Variants in SBF1 observed in about 807,000 individuals in gnomAD.
SBF1 encodes SET binding factor 1.
Under a neutral mutation model 215.8 loss-of-function variants are expected in SBF1, and 65 were observed. That is an observed-to-expected ratio of 0.30 (90% CI 0.25 to 0.37). The LOEUF (loss-of-function observed/expected upper bound fraction) is 0.37, where lower values mean the gene tolerates loss of function less well. Ranked by LOEUF, SBF1 falls within the 10% of genes least tolerant of loss-of-function variation. The probability of loss-of-function intolerance (pLI) is 1.00; values close to 1 mark genes in which losing one functional copy is unlikely to be tolerated. For missense variants in SBF1, 2,634 were observed against 2,667.8 expected (o/e 0.99, Z 0.28); for synonymous variants, 1,410 against 1,122.8 (o/e 1.26, Z -5.11).
Position 50,454,867 on chromosome 22 carries a change from T to G in SBF1, c.4759A>C (p.Ser1587Arg). The change falls in exon 35 of 41, where the codon AGC becomes CGC. Residue 1587 changes from serine (S) to arginine (R), a missense_variant. Physicochemically the swap from Ser to Arg is moderately radical, Grantham distance 110 (BLOSUM62 -1). Transcript: ENST00000380817. ...RSVWEYVDRLSKRTPVFHNYM... is the reference protein window; with the variant it reads ...RSVWEYVDRLRKRTPVFHNYM... ...TTGTGGAACACAGGCGTCCTCTTGCTCAGCCGGTCCACATACTCCCACACA... is the reference window on the plus strand; with the variant it reads ...TTGTGGAACACAGGCGTCCTCTTGCGCAGCCGGTCCACATACTCCCACACA... The G allele has an allele frequency of 6.2e-7, 1 of 1,614,058 alleles. No homozygotes were observed. The highest frequency in any genetic ancestry group is 8.5e-7 in the Non-Finnish European group (1 of 1,179,992).
At chr22:50,453,637 A>AT (rs1337889272) in intron 36 of SBF1, among the ~76,000 whole-genome samples, 3 of 152,144 alleles carry the variant, frequency 2.0e-5, no homozygotes, top group Non-Finnish European at 1.5e-5. Context: ...AATACAAAAA[A>AT]TTAGCTGGGC....
rs1235417478 is a variant in SBF1 at position 50,448,523 on chromosome 22, T to A, written c.5151+20A>T. 4.3e-6 allele frequency: 7 copies of A among 1,610,806 alleles called. No homozygotes were observed. The highest frequency in any genetic ancestry group is 5.9e-6 in the Non-Finnish European group (7 of 1,178,152). On this transcript the variant is annotated intron_variant, in intron 37 of 40. Transcript: ENST00000380817. ...CCAGCAACACGCCCACCGTGGACGC[T>A]CACACTGGCCCTCACTCACACGGCC... is the stretch of plus-strand genomic sequence containing the variant.
intron 1 of SBF1, among the ~76,000 whole-genome samples, chr22:50,469,514 T>TGGCTCCCGCAGCAGGAC (rs1265304398): frequency 1.8e-4 from 27 of 152,290 alleles, no homozygotes; most frequent in African/African-American, 6.5e-4. Context: ...ACTCAGGGTG[T>TGGCTCCCGCAGCAGGAC]GGCTCCCGCA....
intron 15 of SBF1, among the ~76,000 whole-genome samples, chr22:50,464,046 G>A (rs138720743): frequency 1.3e-5 from 2 of 152,226 alleles, no homozygotes; most frequent in Admixed American, 6.5e-5. Context: ...CCCAATTTAA[G>A]GGGAAGGACA....
intron 16 of SBF1, 129 bp from the exon 17 acceptor site, chr22:50,463,067 C>G: frequency 8.6e-7 from 1 of 1,164,254 alleles, no homozygotes; most frequent in Non-Finnish European, 1.3e-6. Flanking sequence ...CTCCCCAAGG[C>G]TGCCTCAGAG....
rs775750503 is a variant in SBF1 at position 50,467,586 on chromosome 22, A to G, written c.384T>C (p.Phe128=). 3.7e-6 allele frequency: 6 copies of G among 1,614,124 alleles called. No individual in the cohort carries two copies. The Admixed American group carries it at 1.0e-4, about 27-fold the overall frequency. Reference sequence around the variant, plus strand: ...ACACCAGTACCAGCGTCTTCGGTGCAAACAGCTGGGCAGATGGGGCAGGTG... The same window carrying G: ...ACACCAGTACCAGCGTCTTCGGTGCGAACAGCTGGGCAGATGGGGCAGGTG... ...PTAPAPSAQL[F]APKTLVLVSR... Residue 128 remains phenylalanine (F), a synonymous_variant, in exon 4 of 41, where the codon TTT becomes TTC. Transcript: ENST00000380817.
At chr22:50,459,417 G>A in intron 27 of SBF1, 25 bp from the exon 28 acceptor site, 3 of 1,611,978 alleles carry the variant, frequency 1.9e-6, no homozygotes, top group South Asian at 1.1e-5. Flanking sequence ...GGAGCTGAGG[G>A]AGGGGAGGGT....
chr22:50,459,963 G>A lies in SBF1; in HGVS notation c.3480C>T (p.Ala1160=), dbSNP rs764635316. The change falls in exon 26 of 41, where the codon GCC becomes GCT. Residue 1160 remains alanine, a synonymous_variant. Coordinates refer to ENST00000380817, the MANE Select transcript of SBF1 (RefSeq NM_002972.4). ...FRISPVNRMY[A]ICRSYPGLLI... ...TGGCCGGCCCTCACCTGCGGCAGAT[G>A]GCATACATGCGGTTGACCGGAGAAA... The A allele has an allele frequency of 1.2e-6, 2 of 1,613,760 alleles. No individual in the cohort carries two copies. Among genetic ancestry groups the A allele is most frequent in the Non-Finnish European group, 1.7e-6 (2 of 1,179,928 alleles).
At position 50,451,495 on chromosome 22, in the gene SBF1, G is replaced by A. The variant is rs549515014; in HGVS notation, c.5044-2845C>T. Reference sequence around the variant, plus strand: ...AAAAAACAAACAGAGCTTCAGCAACGTATGGGACAATAAAGTTCCAGAAGG... The same window carrying A: ...AAAAAACAAACAGAGCTTCAGCAACATATGGGACAATAAAGTTCCAGAAGG... On this transcript the variant is annotated intron_variant, in intron 36 of 40. Transcript: ENST00000380817. Among the ~76,000 whole-genome samples, 20 of 152,286 alleles carry A rather than the reference G, an allele frequency of 1.3e-4. No homozygotes were observed. In the South Asian group the frequency reaches 3.3e-3, roughly 25 times the overall value.
chr22:50,450,249 A>G (rs2066995037), intron 36 of SBF1, among the ~76,000 whole-genome samples: 1 of 152,218 alleles, frequency 6.6e-6, no homozygotes, highest in African/African-American at 2.4e-5. Context: ...CGCCGGCAGC[A>G]GTGGCTCACA....
intron 5 of SBF1, chr22:50,467,016 C>T (rs756925316): frequency 4.8e-5 from 27 of 566,874 alleles, no homozygotes; most frequent in Non-Finnish European, 7.2e-5. Flanking sequence ...ACAGGACAGA[C>T]GGGCAGAAAG....
chr22:50,447,488 C>T, intron 39 of SBF1, 34 bp downstream of exon 39: 2 of 1,608,662 alleles, frequency 1.2e-6, no homozygotes, highest in East Asian at 2.2e-5. Context: ...GAGCCCCCTC[C>T]CCCGTGAGTC....
chr22:50,474,694 CAG>C, intron 1 of SBF1, 90 bp downstream of exon 1: 2 of 1,136,976 alleles, frequency 1.8e-6, no homozygotes, highest in Non-Finnish European at 2.4e-6. Flanking sequence ...CCTCGGCCCC[CAG>C]CCCCCGGCCC....
At chr22:50,474,712 C>G in intron 1 of SBF1, 74 bp downstream of exon 1, 1 of 1,313,432 alleles carries the variant, frequency 7.6e-7, no homozygotes, top group Non-Finnish European at 1.0e-6. Context: ...GGCCCTCGAC[C>G]CTCAGACCCA....
rs1291683260 is a variant in SBF1 at position 50,466,755 on chromosome 22, A to T, written c.550-45T>A. ...GGGGCTCAGTAGTTTGGCCAGAGCC[A>T]GCCCAGAGTCAGCCCAGAGCTCTGT... On this transcript the variant is annotated intron_variant, in intron 5 of 40. Coordinates refer to ENST00000380817, the MANE Select transcript of SBF1 (RefSeq NM_002972.4). 3 of 1,360,572 alleles carry T rather than the reference A, an allele frequency of 2.2e-6. No homozygotes were observed. In the African/African-American group the frequency reaches 4.4e-5, roughly 20 times the overall value. 84.3% of individuals were successfully genotyped at this position (1,360,572 alleles called of 1,614,324 possible). A position where few individuals can be genotyped will look rare whatever the true frequency, so the allele number is the denominator to read the frequency against.
rs762316730 is a variant in SBF1 at position 50,465,947 on chromosome 22, A to G, written c.1011+14T>C. 1.2e-6 allele frequency: 2 copies of G among 1,613,156 alleles called. No homozygotes were observed. Among genetic ancestry groups the G allele is most frequent in the East Asian group, 2.2e-5 (1 of 44,882 alleles). ...AGGCCCCCAAGGCTCCCGCTTGCCC[A>G]TGGTGCCCCTCACCATGCTCAGCAC... is the stretch of plus-strand genomic sequence containing the variant. On this transcript the variant is annotated intron_variant, in intron 9 of 40. Coordinates refer to ENST00000380817, the MANE Select transcript of SBF1 (RefSeq NM_002972.4).
intron 36 of SBF1, among the ~76,000 whole-genome samples, chr22:50,451,788 GTAATA>G (rs2067056448): frequency 6.7e-6 from 1 of 150,180 alleles, no homozygotes. Flanking sequence ...AGAAAACAAA[GTAATA>G]TCTTTTTTTT....
Position 50,447,089 on chromosome 22 carries a change from C to A in SBF1, c.*53G>T. On this transcript the variant is annotated 3_prime_UTR_variant, in exon 41 of 41. Transcript: ENST00000380817. The stretch of plus-strand genomic sequence containing the variant: ...ACATGGCCGGGGCGGCCCTGCCCAC[C>A]CCTAGTGGTCGGTAACGACCGGAAG... 1 of 1,523,918 alleles carries A rather than the reference C, an allele frequency of 6.6e-7. No homozygotes were observed. 94.4% of individuals were successfully genotyped at this position (1,523,918 alleles called of 1,614,324 possible).
In SBF1 at chr22:50,457,125, A is replaced by G; in HGVS notation, c.3827-14T>C. On this transcript the variant is annotated splice_polypyrimidine_tract_variant and intron_variant, in intron 28 of 40. Coordinates refer to ENST00000380817, the MANE Select transcript of SBF1 (RefSeq NM_002972.4). Reference sequence around the variant, plus strand: ...TGGGGCTGGGAACTGAGGGCACAGCAGAGAGAAGGCTCAGGCCTAGCCCCA... The same window carrying G: ...TGGGGCTGGGAACTGAGGGCACAGCGGAGAGAAGGCTCAGGCCTAGCCCCA... 1 of 1,472,202 alleles carries G rather than the reference A, an allele frequency of 6.8e-7. No homozygotes were observed. Among genetic ancestry groups the G allele is most frequent in the Non-Finnish European group, 8.9e-7 (1 of 1,119,314 alleles). 91.2% of individuals were successfully genotyped at this position (1,472,202 alleles called of 1,614,324 possible). A position where few individuals can be genotyped will look rare whatever the true frequency, so the allele number is the denominator to read the frequency against.
Sources: allele counts gnomAD v4.1 joint callset (sites outside exome capture counted in the v4.1 genomes callset), GRCh38; gene constraint gnomAD v4.1.1; transcripts MANE v1.5; gene names NCBI Gene and HGNC (gene_info 2026-07-23, HGNC 2026-07-21).